NELL1: variants seen among roughly 807,000 people sequenced by gnomAD.
The protein encoded by NELL1 is neural EGFL like 1.
A neutral mutation model predicts 107.4 loss-of-function variants in NELL1; 76 were observed. That is an observed-to-expected ratio of 0.71 (90% confidence interval 0.59 to 0.86). The LOEUF is 0.86. Among genes scored for constraint, NELL1 ranks in the 40% least tolerant of loss-of-function variants. The pLI is 0.00. For missense variants in NELL1, 1,024 were observed against 1,005.5 expected, an observed-to-expected ratio of 1.02 and a Z score of -0.25; for synonymous variants, 353 against 341.2, an observed-to-expected ratio of 1.03 and a Z score of -0.38.
intron 16 of NELL1, among the ~76,000 whole-genome samples, chr11:21,537,878 AT>A (rs1027425586): frequency 6.6e-5 from 10 of 152,210 alleles, no homozygotes; most frequent in Admixed American, 5.2e-4. Context: ...TGAGTCTTTT[AT>A]TTAAAAAAAT....
chr11:21,245,375 A>C (rs535445797), intron 14 of NELL1, among the ~76,000 whole-genome samples: 1 of 152,346 alleles, frequency 6.6e-6, no homozygotes, highest in South Asian at 2.1e-4. Context: ...GGTTATAAGA[A>C]TGAGATGAGA....
intron 3 of NELL1, among the ~76,000 whole-genome samples, chr11:20,824,226 C>T (rs1369915789): frequency 6.6e-6 from 1 of 151,228 alleles, no homozygotes; most frequent in Admixed American, 6.7e-5. Context: ...ATTTGCTTCT[C>T]CTTCTGCCAT....
At chr11:20,707,222 A>G (rs1281886983) in intron 2 of NELL1, among the ~76,000 whole-genome samples, 1 of 152,116 alleles carries the variant, frequency 6.6e-6, no homozygotes, top group East Asian at 1.9e-4. Context: ...CAGGTCATTT[A>G]AGGTCTTCTT....
chr11:20,940,238 C>A (rs1850820957), intron 10 of NELL1, among the ~76,000 whole-genome samples: 1 of 148,876 alleles, frequency 6.7e-6, no homozygotes, highest in African/African-American at 2.5e-5. Context: ...TTGTTCTCTG[C>A]AACCCCTAGA....
At chr11:20,795,267 C>A (rs1266607638) in intron 3 of NELL1, among the ~76,000 whole-genome samples, 1 of 151,972 alleles carries the variant, frequency 6.6e-6, no homozygotes, top group Non-Finnish European at 1.5e-5. Context: ...CTTAAGTGGG[C>A]AGATAAAACG....
chr11:21,428,390 C>T lies in NELL1; in HGVS notation c.1645+57442C>T, dbSNP rs547548052. 3.9e-5 allele frequency among the ~76,000 whole-genome samples: 6 copies of T among 152,196 alleles called. No homozygotes were observed. The South Asian group carries it at 1.0e-3, about 26-fold the overall frequency. ...AAGGGTTTTCTGGTAGCCTTCATAA[C>T]TCTGAAATCATAAATTTATTTGAGA... On this transcript the variant is annotated intron_variant, in intron 15 of 19. Transcript: ENST00000357134.
At chr11:21,010,384 C>A (rs564688959) in intron 12 of NELL1, among the ~76,000 whole-genome samples, 1 of 152,198 alleles carries the variant, frequency 6.6e-6, no homozygotes. Context: ...CCCTGCCTGT[C>A]TCCTTCTCTT....
chr11:21,045,455 T>C (rs1035903187), intron 12 of NELL1, among the ~76,000 whole-genome samples: 1 of 152,120 alleles, frequency 6.6e-6, no homozygotes, highest in Non-Finnish European at 1.5e-5. Flanking sequence ...ATAGGAAATG[T>C]TTTATAGAGA....
chr11:21,402,187 A>C (rs1945438), intron 15 of NELL1, among the ~76,000 whole-genome samples: 14,718 of 151,800 alleles, frequency 0.097, 930 homozygotes, highest in South Asian at 0.16. Context: ...TCCTGGCGTC[A>C]ACCCATTTTA....
At chr11:20,874,170 C>G (rs939254536) in intron 4 of NELL1, among the ~76,000 whole-genome samples, 1 of 152,144 alleles carries the variant, frequency 6.6e-6, no homozygotes, top group East Asian at 1.9e-4. Flanking sequence ...TGGGTTTAAG[C>G]GATTCTCCTG....
intron 12 of NELL1, among the ~76,000 whole-genome samples, chr11:21,083,817 C>T (rs1398062949): frequency 1.3e-5 from 2 of 152,124 alleles, no homozygotes; most frequent in East Asian, 1.9e-4. Flanking sequence ...TAAATTAAAA[C>T]ACATTAAATA....
chr11:21,348,241 G>A (rs1223041464), intron 14 of NELL1, among the ~76,000 whole-genome samples: 1 of 152,088 alleles, frequency 6.6e-6, no homozygotes, highest in Non-Finnish European at 1.5e-5. Flanking sequence ...TGAAGACTTT[G>A]GATATAAGAT....
chr11:21,434,303 T>C (rs983848491), intron 15 of NELL1, among the ~76,000 whole-genome samples: 2 of 152,144 alleles, frequency 1.3e-5, no homozygotes, highest in African/African-American at 2.4e-5. Context: ...ATAATTCTTC[T>C]AGTAGGTTTT....
At chr11:21,232,159 A>AAATATATATAT (rs1554985116) in intron 14 of NELL1, among the ~76,000 whole-genome samples, 10 of 73,190 alleles carry the variant, frequency 1.4e-4, no homozygotes, top group East Asian at 4.0e-4. Flanking sequence ...AAAAAAAAAA[A>AAATATATATAT]ATATATATAT....
At chr11:21,551,059 C>G (rs1856570424) in intron 16 of NELL1, among the ~76,000 whole-genome samples, 1 of 151,000 alleles carries the variant, frequency 6.6e-6, no homozygotes, top group Non-Finnish European at 1.5e-5. Flanking sequence ...TCCTTCACAT[C>G]CCTTGTAAGT....
At chr11:20,911,212 A>G (rs1389378042) in intron 5 of NELL1, among the ~76,000 whole-genome samples, 3 of 152,224 alleles carry the variant, frequency 2.0e-5, no homozygotes, top group Admixed American at 1.3e-4. Flanking sequence ...AGAGACTTGG[A>G]CAATCATTTT....
rs532991439 is a variant in NELL1 at position 21,413,185 on chromosome 11, A to C, written c.1645+42237A>C. 7.9e-5 allele frequency among the ~76,000 whole-genome samples: 12 copies of C among 152,202 alleles called. No homozygotes were observed. In the South Asian group the frequency reaches 2.5e-3, roughly 32 times the overall value. Reference sequence around the variant, plus strand: ...CACGGTTCTCAGTATCAGTATCACGATGTGACAGATGTTCAGCCCTGCTGA... The same window carrying C: ...CACGGTTCTCAGTATCAGTATCACGCTGTGACAGATGTTCAGCCCTGCTGA... On this transcript the variant is annotated intron_variant, in intron 15 of 19. Coordinates refer to ENST00000357134, the MANE Select transcript of NELL1 (RefSeq NM_006157.5).
intron 2 of NELL1, among the ~76,000 whole-genome samples, chr11:20,695,749 G>A (rs184836729): frequency 1.3e-5 from 2 of 152,078 alleles, no homozygotes; most frequent in African/African-American, 4.8e-5. Flanking sequence ...GTTTTTCATT[G>A]TGTCTTTGTT....
intron 9 of NELL1, among the ~76,000 whole-genome samples, chr11:20,933,826 A>T (rs1850666446): frequency 6.6e-6 from 1 of 152,250 alleles, no homozygotes; most frequent in African/African-American, 2.4e-5. Flanking sequence ...TTGAAGGGCC[A>T]GGTGTCTGTC....
Sources: gnomAD v4.1 joint callset for allele counts (sites outside exome capture counted in the v4.1 genomes callset) on GRCh38, gnomAD v4.1.1 for gene constraint, MANE v1.5 for transcripts, NCBI Gene and HGNC (gene_info 2026-07-23, HGNC 2026-07-21) for gene names.